Variants in STAT5A observed in about 807,000 individuals in gnomAD.
STAT5A encodes epididymis secretory sperm binding protein.
Under a neutral mutation model 100.2 loss-of-function variants are expected in STAT5A, and 26 were observed. That is an observed-to-expected ratio of 0.26 (90% CI 0.19 to 0.36). The LOEUF (loss-of-function observed/expected upper bound fraction) is 0.36. Among genes scored for constraint, STAT5A ranks in the 10% least tolerant of loss-of-function variants. The pLI is 1.00. For synonymous variants in STAT5A, 330 were observed against 424.3 expected, an observed-to-expected ratio of 0.78 and a Z score of 2.73; for missense variants, 634 against 1,027.5, an observed-to-expected ratio of 0.62 and a Z score of 5.24.
At chr17:42,289,613 T>C in intron 2 of STAT5A, 74 bp downstream of exon 2, 2 of 1,551,122 alleles carry the variant, frequency 1.3e-6, no homozygotes, top group Non-Finnish European at 1.7e-6. Context: ...GTTTTACTCA[T>C]GGTGGTTTGG....
chr17:42,291,944 G>T (rs766122984), intron 3 of STAT5A, 28 bp from the exon 4 acceptor site: 2 of 1,610,658 alleles, frequency 1.2e-6, no homozygotes, highest in East Asian at 2.2e-5. Context: ...AGAGGATGGC[G>T]CTGGAGGCTA....
intron 4 of STAT5A, among the ~76,000 whole-genome samples, chr17:42,293,300 G>C (rs1488852532): frequency 6.6e-6 from 1 of 152,066 alleles, no homozygotes; most frequent in African/African-American, 2.4e-5. Context: ...CACCCCTTGG[G>C]TTCAAGAGAT....
chr17:42,310,313 C>T (rs889131469), intron 18 of STAT5A, among the ~76,000 whole-genome samples, 194 bp from the exon 19 acceptor site: 1 of 152,194 alleles, frequency 6.6e-6, no homozygotes, highest in Non-Finnish European at 1.5e-5. Context: ...GCAAGAGATG[C>T]GAATAGAGTG....
At chr17:42,290,517 A>G (rs2080860162) in intron 3 of STAT5A, among the ~76,000 whole-genome samples, 1 of 152,186 alleles carries the variant, frequency 6.6e-6, no homozygotes, top group South Asian at 2.1e-4. Flanking sequence ...GGAAGCAGGA[A>G]AGGGGTGTGG....
intron 4 of STAT5A, among the ~76,000 whole-genome samples, chr17:42,292,382 G>A (rs1028963417): frequency 3.3e-5 from 5 of 151,754 alleles, no homozygotes; most frequent in African/African-American, 4.8e-5. Flanking sequence ...AGGCTGCAGT[G>A]CAGTGGCGTG....
At chr17:42,297,946 A>G (rs1485545533) in intron 5 of STAT5A, among the ~76,000 whole-genome samples, 2 of 150,872 alleles carry the variant, frequency 1.3e-5, no homozygotes. Context: ...TGGTGCGCGC[A>G]TCTTCTGACT....
intron 5 of STAT5A, among the ~76,000 whole-genome samples, chr17:42,299,141 C>T (rs980661763): frequency 2.6e-5 from 4 of 152,124 alleles, no homozygotes; most frequent in East Asian, 1.9e-4. Flanking sequence ...GGCCTTGCTG[C>T]GGGAGGGATG....
intron 18 of STAT5A, 40 bp downstream of exon 18, chr17:42,309,524 G>A (rs760880163): frequency 1.3e-6 from 2 of 1,598,472 alleles, no homozygotes; most frequent in Non-Finnish European, 1.7e-6. Context: ...GGAAGAACTG[G>A]GGACTTGGCC....
chr17:42,306,497 G>A, intron 13 of STAT5A, 50 bp downstream of exon 13: 1 of 1,569,598 alleles, frequency 6.4e-7, no homozygotes, highest in Non-Finnish European at 8.6e-7. Flanking sequence ...GGGGTCTGTT[G>A]CTCCTCCACC....
intron 12 of STAT5A, 67 bp from the exon 13 acceptor site, chr17:42,306,174 C>A: frequency 6.2e-7 from 1 of 1,610,346 alleles, no homozygotes; most frequent in South Asian, 1.1e-5. Context: ...GTCTGTGTAT[C>A]TTGTGTGTGT....
In STAT5A at chr17:42,295,678, C is replaced by T. The variant is rs752382475; in HGVS notation, c.435C>T (p.Asn145=). Residue 145 remains asparagine (N), a synonymous_variant, in exon 5 of 19, where the codon AAC becomes AAT. Coordinates refer to ENST00000590949, the MANE Select transcript of STAT5A (RefSeq NM_001288718.2). ...TGTCCCAGAAGCACCTTCAGATCAA[C>T]CAGACATTTGAGGAGCTGCGACTGG... ...DAMSQKHLQI[N]QTFEELRLVT... 11 of 1,613,872 alleles carry T rather than the reference C, an allele frequency of 6.8e-6. No individual in the cohort carries two copies. The highest frequency in any genetic ancestry group is 9.3e-6 in the Non-Finnish European group (11 of 1,179,972).
rs776877412 is a variant in STAT5A at position 42,306,444 on chromosome 17, C to T, written c.1677C>T (p.Asn559=). ...TGTCCGTGTCCTGGTCCCAGTTCAA[C>T]AGGGTGAGGGGCCCAGCTGCCAGCC... The part of the protein sequence containing the change: ...SGLSVSWSQF[N]RENLPGWNYT... Residue 559 remains asparagine (N), a synonymous_variant, in exon 13 of 19, where the codon AAC becomes AAT. Transcript: ENST00000590949. The T allele has an allele frequency of 3.7e-6, 6 of 1,611,300 alleles. No homozygotes were observed. The highest frequency in any genetic ancestry group is 3.4e-6 in the Non-Finnish European group (4 of 1,178,702).
chr17:42,301,651 C>T lies in STAT5A; in HGVS notation c.1169+197C>T, dbSNP rs529112243. On this transcript the variant is annotated intron_variant, in intron 9 of 18. Transcript: ENST00000590949. ...GTTGATAGGCGTGAGCCACCACACC[C>T]AGCCGAGTATCCGTTCTTTACCCTG... is the stretch of plus-strand genomic sequence containing the variant. 9.8e-5 allele frequency among the ~76,000 whole-genome samples: 15 copies of T among 152,326 alleles called. No homozygotes were observed. The East Asian group carries it at 2.1e-3, about 22-fold the overall frequency.
At chr17:42,297,973 G>C (rs9915672) in intron 5 of STAT5A, among the ~76,000 whole-genome samples, 1 of 150,700 alleles carries the variant, frequency 6.6e-6, no homozygotes, top group Non-Finnish European at 1.5e-5. Flanking sequence ...AAGCAAGGAC[G>C]CTGGGCTGTT....
At chr17:42,301,072 C>G (rs2080973238) in intron 8 of STAT5A, among the ~76,000 whole-genome samples, 1 of 152,118 alleles carries the variant, frequency 6.6e-6, no homozygotes, top group African/African-American at 2.4e-5. Flanking sequence ...TGGGCCGCAG[C>G]CCATGCCAGC....
At chr17:42,301,557 TG>T in intron 9 of STAT5A, 103 bp downstream of exon 9, 2 of 1,508,232 alleles carry the variant, frequency 1.3e-6, no homozygotes, top group Non-Finnish European at 1.8e-6. Flanking sequence ...TAGTTCACCG[TG>T]TTGCCCAGGC....
intron 13 of STAT5A, among the ~76,000 whole-genome samples, chr17:42,306,767 T>G (rs1171709245): frequency 6.6e-6 from 1 of 152,042 alleles, no homozygotes; most frequent in Non-Finnish European, 1.5e-5. Context: ...TCACCCAGGC[T>G]GGAGTGCAGT....
In STAT5A at chr17:42,299,749, A is replaced by G; in HGVS notation, c.551-2A>G. The stretch of plus-strand genomic sequence containing the variant: ...GTCATGGTTTCCTCTTCTCTCCTCT[A>G]GCTCAGTTTGCCCAGCTGGCCCAGC... On this transcript the variant is annotated splice_acceptor_variant, in intron 5 of 18. Transcript: ENST00000590949. LOFTEE classifies it high-confidence loss of function. The G allele has an allele frequency of 6.2e-7, 1 of 1,614,126 alleles. No homozygotes were observed.
In STAT5A at chr17:42,301,446, C is replaced by T. The variant is rs1311276367; in HGVS notation, c.1161C>T (p.Asn387=). 4 of 1,614,010 alleles carry T rather than the reference C, an allele frequency of 2.5e-6. No individual in the cohort carries two copies. Among genetic ancestry groups the T allele is most frequent in the Middle Eastern group, 1.6e-4 (1 of 6,084 alleles). The change falls in exon 9 of 19, where the codon AAC becomes AAT. Residue 387 remains asparagine, a synonymous_variant. Coordinates refer to ENST00000590949, the MANE Select transcript of STAT5A (RefSeq NM_001288718.2). ...QQAKSLLKNE[N]TRNECSGEIL... ...CCAAGTCTCTGCTTAAAAATGAGAA[C>T]ACCCGCAAGTAATTGTGCCTCTCCC...
Sources: gnomAD v4.1 joint callset for allele counts (sites outside exome capture counted in the v4.1 genomes callset) on GRCh38, gnomAD v4.1.1 for gene constraint, MANE v1.5 for transcripts, NCBI Gene and HGNC (gene_info 2026-07-23, HGNC 2026-07-21) for gene names.